Variants in MYH15 observed in about 807,000 individuals in gnomAD.
MYH15 encodes the protein myosin-15.
A neutral mutation model predicts 240.5 loss-of-function variants in MYH15; 227 were observed. That is an observed-to-expected ratio of 0.94 (90% confidence interval 0.85 to 1.05). The LOEUF (loss-of-function observed/expected upper bound fraction) is 1.05. Among genes scored for constraint, MYH15 ranks in the 50% least tolerant of loss-of-function variants. MYH15 has a pLI of 0.00. For synonymous variants in MYH15, 785 were observed against 796.7 expected, an observed-to-expected ratio of 0.99 and a Z score of 0.25; for missense variants, 2,217 against 2,247.5, an observed-to-expected ratio of 0.99 and a Z score of 0.27.
At chr3:108,398,259 T>C (rs1420935165) in intron 35 of MYH15, among the ~76,000 whole-genome samples, 1 of 151,860 alleles carries the variant, frequency 6.6e-6, no homozygotes, top group East Asian at 1.9e-4. Flanking sequence ...AAGGTTAGAG[T>C]GATGCATCCA....
Position 108,428,841 on chromosome 3 carries a change from C to T in MYH15, c.3353G>A (p.Arg1118Lys). ...KDLKEKLEAE[R>K]TTRAKMERER... is the part of the protein sequence containing the mutation. ...CCTTTCCATCTTGGCTCGAGTGGTCCTTTCAGCTTCTAGTTTCTCTTTCAA... is the reference window on the plus strand; with the variant it reads ...CCTTTCCATCTTGGCTCGAGTGGTCTTTTCAGCTTCTAGTTTCTCTTTCAA... Residue 1118 changes from arginine (R) to lysine (K), a missense_variant, in exon 27 of 41, where the codon AGG (arginine) becomes AAG (lysine). Arg to Lys is a conservative substitution (Grantham distance 26). Coordinates refer to ENST00000693548, the MANE Select transcript of MYH15 (RefSeq NM_014981.3). 6.2e-7 allele frequency: 1 copy of T among 1,611,302 alleles called. No homozygotes were observed. The highest frequency in any genetic ancestry group is 8.5e-7 in the Non-Finnish European group (1 of 1,179,358).
chr3:108,483,473 T>C (rs2083283077), intron 11 of MYH15, among the ~76,000 whole-genome samples: 2 of 149,728 alleles, frequency 1.3e-5, no homozygotes, highest in South Asian at 2.1e-4. Flanking sequence ...TGTGAAGAAA[T>C]TGGAAACTTT....
At position 108,506,426 on chromosome 3, in the gene MYH15, C is replaced by T. The variant is rs183180459; in HGVS notation, c.89-597G>A. On this transcript the variant is annotated intron_variant, in intron 1 of 40. Coordinates refer to ENST00000693548, the MANE Select transcript of MYH15 (RefSeq NM_014981.3). The stretch of plus-strand genomic sequence containing the variant: ...CAATATGTTATTTTTCTCTCTTCAG[C>T]GTCCTCAGTTCCTATACCCCATCCC... Among the ~76,000 whole-genome samples the T allele has an allele frequency of 2.2e-3, 335 of 152,222 alleles. 1 individual carries two copies. The highest frequency in any genetic ancestry group is 3.6e-3 in the African/African-American group (149 of 41,530).
upstream of MYH15, among the ~76,000 whole-genome samples, chr3:108,529,858 T>A (rs2083700272): frequency 6.6e-6 from 1 of 152,180 alleles, no homozygotes; most frequent in Non-Finnish European, 1.5e-5. Context: ...GAGATGAAGC[T>A]AGCAGTCTGT....
At position 108,439,730 on chromosome 3, in the gene MYH15, T is replaced by G. The variant is rs772418013; in HGVS notation, c.3075+7A>C. ...ATAGATAACTAACCAGATACACCGT[T>G]ACTGACCTCATCAACTTGCTGTTCC... is the stretch of plus-strand genomic sequence containing the variant. On this transcript the variant is annotated splice_region_variant and intron_variant, in intron 24 of 40. Transcript: ENST00000693548. 3.1e-6 allele frequency: 5 copies of G among 1,593,228 alleles called. No individual in the cohort carries two copies. The highest frequency in any genetic ancestry group is 4.3e-6 in the Non-Finnish European group (5 of 1,170,562).
intron 33 of MYH15, among the ~76,000 whole-genome samples, chr3:108,404,118 T>G (rs911807458): frequency 1.3e-5 from 2 of 152,116 alleles, no homozygotes; most frequent in Non-Finnish European, 2.9e-5. Flanking sequence ...TCAGAACCTC[T>G]TAAGTAGATC....
At chr3:108,432,265 C>T (rs576871871) in intron 25 of MYH15, among the ~76,000 whole-genome samples, 187 of 152,194 alleles carry the variant, frequency 1.2e-3, no homozygotes, top group Middle Eastern at 3.4e-3. Context: ...CACTGTGTTG[C>T]CCAGGCTGGT....
rs1205448159 is a variant in MYH15, at chr3:108,454,180, G to A, written c.2263-38C>T. ...TCAGATGTTAGCTCCACTGATAATG[G>A]GTATTCAGCAAATGTTTATTAAATG... On this transcript the variant is annotated intron_variant, in intron 20 of 40. Transcript: ENST00000693548. 5 of 1,567,602 alleles carry A rather than the reference G, an allele frequency of 3.2e-6. No individual in the cohort carries two copies. The African/African-American group carries it at 4.1e-5, about 13-fold the overall frequency.
upstream of MYH15, among the ~76,000 whole-genome samples, chr3:108,513,285 T>C (rs1233217052): frequency 6.6e-6 from 1 of 152,196 alleles, no homozygotes; most frequent in Admixed American, 6.5e-5. Context: ...TTGAGACTGG[T>C]ATACTCACAC....
In MYH15 at chr3:108,463,202, G is replaced by A; in HGVS notation, c.1773C>T (p.Asp591=). The A allele has an allele frequency of 1.2e-6, 2 of 1,612,934 alleles. No individual in the cohort carries two copies. The highest frequency in any genetic ancestry group is 1.7e-6 in the Non-Finnish European group (2 of 1,179,562). The change falls in exon 16 of 41, where the codon GAC becomes GAT. Residue 591 remains aspartate (D), a synonymous_variant. Transcript: ENST00000693548. ...NISGWLEKNK[D]LLNETVVAVF... ...CAGCTACCACTGTTTCATTAAGGAGGTCTTTGTTCTTTTCCAGCCAACCAC... is the reference window on the plus strand; with the variant it reads ...CAGCTACCACTGTTTCATTAAGGAGATCTTTGTTCTTTTCCAGCCAACCAC...
At chr3:108,425,248 T>G (rs2082717166) in intron 27 of MYH15, among the ~76,000 whole-genome samples, 1 of 152,178 alleles carries the variant, frequency 6.6e-6, no homozygotes, top group Admixed American at 6.5e-5. Context: ...AGCAATGGGA[T>G]CTAAAACTGG....
chr3:108,460,108 G>A (rs2083058318), intron 17 of MYH15, among the ~76,000 whole-genome samples, 192 bp downstream of exon 17: 1 of 152,140 alleles, frequency 6.6e-6, no homozygotes, highest in Admixed American at 6.6e-5. Flanking sequence ...GTGCAGGCAT[G>A]ATAAAGGGGA....
chr3:108,477,924 A>T (rs1398243408), intron 11 of MYH15, among the ~76,000 whole-genome samples: 1 of 152,182 alleles, frequency 6.6e-6, no homozygotes, highest in East Asian at 1.9e-4. Context: ...GCTTATTTCA[A>T]ATTGTAGATT....
Position 108,394,084 on chromosome 3 carries a change from C to T in MYH15, c.5206G>A (p.Val1736Met), listed in dbSNP as rs759899590. 1.9e-6 allele frequency: 3 copies of T among 1,614,028 alleles called. No homozygotes were observed. Among genetic ancestry groups the T allele is most frequent in the Non-Finnish European group, 2.5e-6 (3 of 1,180,008 alleles). Residue 1736 changes from valine to methionine, a missense_variant, in exon 36 of 41, where the codon GTG (valine) becomes ATG (methionine). Val to Met is a conservative substitution (Grantham distance 21). Transcript: ENST00000693548. ...TCTGCATTTTGACACTCCTGCACCA[C>T]CTCTTCAGCTTCTTTCTGCATCCGG... ...VARMQKEAEE[V>M]VQECQNAEEK...
upstream of MYH15, among the ~76,000 whole-genome samples, chr3:108,511,725 G>A (rs1312184000): frequency 6.6e-6 from 1 of 152,188 alleles, no homozygotes; most frequent in Admixed American, 6.5e-5. Flanking sequence ...CTTAGCTCAG[G>A]TGCTGTCTTT....
rs747804921 is a variant in MYH15 at position 108,500,115 on chromosome 3, C to T, written c.496+3G>A. ...CTTTTCATTTTGTAGGGCAGCTACT[C>T]ACTGTGAAGCATGTCCTGAAAGGCG... On this transcript the variant is annotated splice_donor_region_variant and intron_variant, in intron 4 of 40. Transcript: ENST00000693548. The T allele has an allele frequency of 6.2e-7, 1 of 1,611,324 alleles. No individual in the cohort carries two copies. Among genetic ancestry groups the T allele is most frequent in the East Asian group, 2.2e-5 (1 of 44,860 alleles).
chr3:108,482,103 A>G (rs936853809), intron 11 of MYH15, among the ~76,000 whole-genome samples: 1 of 152,034 alleles, frequency 6.6e-6, no homozygotes, highest in African/African-American at 2.4e-5. Context: ...ATAAGTTGTG[A>G]GCTTTTGGAT....
At chr3:108,535,499 T>A in the MYH15 span, among the ~76,000 whole-genome samples, 1 of 152,062 alleles carries the variant, frequency 6.6e-6, no homozygotes, top group African/African-American at 2.4e-5. Context: ...AGGCCCCACA[T>A]CCAAATATCA....
intron 30 of MYH15, 73 bp downstream of exon 30, chr3:108,414,159 G>GGA: frequency 6.7e-7 from 1 of 1,485,006 alleles, no homozygotes; most frequent in Non-Finnish European, 9.3e-7. Context: ...ATGAGGCCTT[G>GGA]GAGACAGAGT....
Sources: allele counts gnomAD v4.1 joint callset (sites outside exome capture counted in the v4.1 genomes callset), GRCh38; gene constraint gnomAD v4.1.1; transcripts MANE v1.5; gene names NCBI Gene and HGNC (gene_info 2026-07-23, HGNC 2026-07-21).